The following ATM variants were observed in gnomAD, a reference collection of about 807,000 sequenced individuals.
ATM encodes the protein serine-protein kinase ATM.
In ATM, 308 loss-of-function variants were observed where a neutral mutation model predicts 387.0. The observed-to-expected ratio is 0.80, with a 90% CI of 0.73 to 0.87. ATM has a LOEUF of 0.87. Among genes scored for constraint, ATM ranks in the 40% least tolerant of loss-of-function variants. ATM has a pLI of 0.00. For synonymous variants in ATM, 1,156 were observed against 1,187.3 expected (o/e 0.97, Z 0.54); for missense variants, 3,312 against 3,560.9 (o/e 0.93, Z 1.78).
intron 22 of ATM, among the ~76,000 whole-genome samples, chr11:108,278,721 T>A (rs1052521839): frequency 6.6e-6 from 1 of 152,074 alleles, no homozygotes; most frequent in Non-Finnish European, 1.5e-5. Context: ...AACCAGCCCT[T>A]GTGGGAACTG....
rs914092098 is a variant in ATM at position 108,259,076 on chromosome 11, G to A, written c.2466+1G>A. 6.2e-7 allele frequency: 1 copy of A among 1,609,176 alleles called. No homozygotes were observed. On this transcript the variant is annotated splice_donor_variant, in intron 16 of 62. Coordinates refer to ENST00000675843, the MANE Select transcript of ATM (RefSeq NM_000051.4). LOFTEE classifies it high-confidence loss of function. Reference sequence around the variant, plus strand: ...CATTGCAGATATTTGTAAAAGTTTAGTAAGTATGCTTCCTGTTTTGCTATC... The same window carrying A: ...CATTGCAGATATTTGTAAAAGTTTAATAAGTATGCTTCCTGTTTTGCTATC...
chr11:108,268,283 A>G, intron 17 of ATM, 127 bp from the exon 18 acceptor site: 1 of 789,252 alleles, frequency 1.3e-6, no homozygotes, highest in Non-Finnish European at 2.1e-6. Flanking sequence ...TCAGTATATA[A>G]TTAATTTCAC....
In ATM at chr11:108,363,724, C is replaced by A. The variant is rs1467645500; in HGVS notation, c.8851-1358C>A. Among the ~76,000 whole-genome samples, 2 of 152,214 alleles carry A rather than the reference C, an allele frequency of 1.3e-5. 1 individual carries two copies. ...TCTGTATTCCTTTACTGTTTCCAAC[C>A]ACTTCTGTCTTGTCAGACTGAAACA... On this transcript the variant is annotated intron_variant, in intron 61 of 62. Coordinates refer to ENST00000675843, the MANE Select transcript of ATM (RefSeq NM_000051.4).
chr11:108,292,140 T>G (rs1028626498), intron 29 of ATM, among the ~76,000 whole-genome samples: 1 of 152,188 alleles, frequency 6.6e-6, no homozygotes, highest in Admixed American at 6.5e-5. Flanking sequence ...CAGGTTAGAA[T>G]AGACATATAC....
chr11:108,250,496 C>T (rs1179825323), intron 9 of ATM, among the ~76,000 whole-genome samples: 1 of 152,078 alleles, frequency 6.6e-6, no homozygotes, highest in African/African-American at 2.4e-5. Flanking sequence ...ACAGCTTACC[C>T]AGCTAGCCAA....
rs664143 is a variant in ATM, at chr11:108,354,934, A to G, written c.8850+60A>G. On this transcript the variant is annotated intron_variant, in intron 61 of 62. Coordinates refer to ENST00000675843, the MANE Select transcript of ATM (RefSeq NM_000051.4). ...TCTTACCAGGTAGACTGTGTATCTCATCAGGAAGTCACTGATGTGAAGAGC... is the reference window on the plus strand; with the variant it reads ...TCTTACCAGGTAGACTGTGTATCTCGTCAGGAAGTCACTGATGTGAAGAGC... 0.59 allele frequency: 815,622 copies of G among 1,389,134 alleles called. 241,429 individuals are homozygous for G. The highest frequency in any genetic ancestry group is 0.75 in the Middle Eastern group (4,267 of 5,674). The allele number at this position is 1,389,134 out of a possible 1,614,324, so 86.1% of individuals were successfully genotyped here.
chr11:108,279,731 T>A, intron 23 of ATM, 123 bp downstream of exon 23: 1 of 782,266 alleles, frequency 1.3e-6, no homozygotes, highest in Non-Finnish European at 2.2e-6. Context: ...AAAGCTGCTC[T>A]AAAACAACTG....
intron 22 of ATM, among the ~76,000 whole-genome samples, chr11:108,277,599 G>A (rs570817510): frequency 2.5e-4 from 38 of 152,190 alleles, no homozygotes; most frequent in African/African-American, 9.1e-4. Context: ...GCCCCTCACA[G>A]CATAGTCCCT....
chr11:108,340,710 C>T (rs76812328), intron 56 of ATM, among the ~76,000 whole-genome samples: 1,888 of 152,224 alleles, frequency 0.012, 48 homozygotes, highest in African/African-American at 0.042. Flanking sequence ...TACTCTTATT[C>T]GGTATCTGTG....
At chr11:108,245,435 G>A (rs1485293553) in intron 7 of ATM, among the ~76,000 whole-genome samples, 2 of 152,172 alleles carry the variant, frequency 1.3e-5, no homozygotes, top group African/African-American at 4.8e-5. Flanking sequence ...AAACCAGTCA[G>A]ATTATTCAGC....
intron 59 of ATM, among the ~76,000 whole-genome samples, chr11:108,351,096 C>T (rs1205458283): frequency 6.6e-6 from 1 of 152,100 alleles, no homozygotes; most frequent in Non-Finnish European, 1.5e-5. Flanking sequence ...AATAATAACA[C>T]ACAATATAGA....
chr11:108,269,786 G>A (rs2081472705), intron 18 of ATM, among the ~76,000 whole-genome samples: 1 of 152,174 alleles, frequency 6.6e-6, no homozygotes, highest in African/African-American at 2.4e-5. Context: ...GGAATCCCTG[G>A]TCATGTTTCC....
At chr11:108,229,396 A>G (rs2078903014) in intron 4 of ATM, 73 bp downstream of exon 4, 3 of 1,301,542 alleles carry the variant, frequency 2.3e-6, no homozygotes, top group Non-Finnish European at 3.2e-6. Flanking sequence ...TTTTTTTCAG[A>G]TCATTTTAAG....
At chr11:108,348,120 A>G (rs11212592) in intron 59 of ATM, among the ~76,000 whole-genome samples, 25,360 of 152,074 alleles carry the variant, frequency 0.17, 2,798 homozygotes, top group East Asian at 0.31. Context: ...ATAGTAAGAA[A>G]GTGATGAATT....
At chr11:108,346,369 A>AATATTTTGTGTACAATAT (rs1344701567) in intron 58 of ATM, among the ~76,000 whole-genome samples, 10 of 152,118 alleles carry the variant, frequency 6.6e-5, no homozygotes, top group African/African-American at 9.6e-5. Flanking sequence ...GATATATTTA[A>AATATTTTGTGTACAATAT]ATATTTTGTG....
chr11:108,259,813 A>G (rs1410451678), intron 16 of ATM, among the ~76,000 whole-genome samples: 7 of 152,172 alleles, frequency 4.6e-5, no homozygotes. Context: ...TTTTTCTGGA[A>G]CACTGCCGGG....
chr11:108,368,163 C>G lies in ATM; in HGVS notation c.*2655C>G, dbSNP rs2091428529. 1 of 207,078 alleles carries G rather than the reference C, an allele frequency of 4.8e-6. No individual in the cohort carries two copies. The highest frequency in any genetic ancestry group is 6.0e-5 in the Admixed American group (1 of 16,786). 12.8% of individuals were successfully genotyped at this position (207,078 alleles called of 1,614,324 possible). ...ATCAAATTTACATACAGATCACAAG[C>G]CTAGGAGAAATAACTAATTCACAGA... On this transcript the variant is annotated 3_prime_UTR_variant, in exon 63 of 63. Coordinates refer to ENST00000675843, the MANE Select transcript of ATM (RefSeq NM_000051.4).
chr11:108,321,045 G>C (rs936038090), intron 44 of ATM, among the ~76,000 whole-genome samples: 19 of 152,184 alleles, frequency 1.2e-4, no homozygotes, highest in Non-Finnish European at 2.9e-5. Flanking sequence ...TAAGGAGGAA[G>C]GGTTGGTCTT....
At chr11:108,322,447 C>T (rs2085306161) in intron 45 of ATM, among the ~76,000 whole-genome samples, 2 of 152,202 alleles carry the variant, frequency 1.3e-5, no homozygotes, top group African/African-American at 4.8e-5. Context: ...AGCCACCATG[C>T]CCGGCCCCCA....
Sources: gnomAD v4.1 joint callset for allele counts (sites outside exome capture counted in the v4.1 genomes callset) on GRCh38, gnomAD v4.1.1 for gene constraint, MANE v1.5 for transcripts, NCBI Gene and HGNC (gene_info 2026-07-23, HGNC 2026-07-21) for gene names.